Variants in SIPA1L3 observed in about 807,000 individuals in gnomAD.
SIPA1L3 encodes the protein signal-induced proliferation-associated 1-like protein 3.
SIPA1L3 carries 59 observed loss-of-function variants against 150.1 expected under a neutral mutation model. The ratio of observed to expected loss-of-function variants is 0.39; its 90% CI spans 0.32 to 0.49. The LOEUF (loss-of-function observed/expected upper bound fraction) is 0.49. Ranked by LOEUF, SIPA1L3 falls within the 20% of genes least tolerant of loss-of-function variation. The pLI is 0.86. For synonymous variants in SIPA1L3, 1,070 were observed against 1,077.6 expected, an observed-to-expected ratio of 0.99 and a Z score of 0.14; for missense variants, 2,211 against 2,489.5, an observed-to-expected ratio of 0.89 and a Z score of 2.38.
rs1039666019 is a variant in SIPA1L3, at chr19:38,164,196, G to A, written c.3781-283G>A. ...CGCTGCCGAACTCAGTCTTAGATTC[G>A]CTGAGTCTGAGATGTGGGAAGCATG... is the stretch of plus-strand genomic sequence containing the variant. On this transcript the variant is annotated intron_variant, in intron 14 of 21. Coordinates refer to ENST00000222345, the MANE Select transcript of SIPA1L3 (RefSeq NM_015073.3). This position sits in a 1 kb window ranked among gnomAD's most constrained non-coding sequence, Gnocchi z 4.1. 2.0e-5 allele frequency among the ~76,000 whole-genome samples: 3 copies of A among 152,248 alleles called. No homozygotes were observed. The highest frequency in any genetic ancestry group is 2.1e-4 in the South Asian group (1 of 4,820).
intron 10 of SIPA1L3, among the ~76,000 whole-genome samples, chr19:38,136,206 A>AAAAAAAAAAAAT: frequency 6.7e-6 from 1 of 149,204 alleles, no homozygotes; most frequent in Non-Finnish European, 1.5e-5. Context: ...AAAAAAAAAA[A>AAAAAAAAAAAAT]GAAGAATGCG....
intron 12 of SIPA1L3, among the ~76,000 whole-genome samples, chr19:38,148,357 A>G (rs538807234): frequency 1.3e-5 from 2 of 152,012 alleles, no homozygotes; most frequent in South Asian, 4.2e-4. Context: ...TCTCAAAAAA[A>G]AAAAAAAAGT....
At position 38,198,445 on chromosome 19, in the gene SIPA1L3, C is replaced by T. The variant is rs374407963; in HGVS notation, c.4897C>T (p.Arg1633Cys). The change falls in exon 19 of 22, where the codon CGC becomes TGC. Residue 1633 changes from arginine to cysteine, a missense_variant. Physicochemically the swap from Arg to Cys is radical, Grantham distance 180 (BLOSUM62 -3). This residue lies in a region of SIPA1L3 where 806 missense variants were observed against 870.1 expected (regional missense o/e 0.93). Coordinates refer to ENST00000222345, the MANE Select transcript of SIPA1L3 (RefSeq NM_015073.3). ...LADGRDRPLRRLDPGLMPLPD... is the reference protein window; with the variant it reads ...LADGRDRPLRCLDPGLMPLPD... ...TGATGGGCGGGACCGCCCCCTGCGG[C>T]GCCTGGACCCTGGGCTGATGCCCCT... 94 of 1,604,284 alleles carry T rather than the reference C, an allele frequency of 5.9e-5. No homozygotes were observed. Among genetic ancestry groups the T allele is most frequent in the African/African-American group, 8.1e-5 (6 of 74,328 alleles).
Position 38,193,702 on chromosome 19 carries a change from C to A in SIPA1L3, c.4762C>A (p.Arg1588Ser). Residue 1588 changes from arginine to serine, a missense_variant, in exon 18 of 22, where the codon CGC becomes AGC. Physicochemically the swap from Arg to Ser is moderately radical, Grantham distance 110. Around this residue, in one of 5 missense-constraint regions of SIPA1L3, gnomAD observed 806 missense variants for 870.1 expected, o/e 0.93. Transcript: ENST00000222345. ...CCCGTCCAGCACGCTGCCTGCACGC[C>A]GCCAGCACCAGCACCCCCACCCGCC... ...AFPSSTLPAR[R>S]QHQHPHPPVG... The A allele has an allele frequency of 6.4e-7, 1 of 1,571,790 alleles. No homozygotes were observed.
chr19:37,980,011 G>C (rs1388280582), intron 1 of SIPA1L3, among the ~76,000 whole-genome samples: 1 of 152,236 alleles, frequency 6.6e-6, no homozygotes, highest in African/African-American at 2.4e-5. Context: ...GAATCCACAG[G>C]CCGGTGGGTG....
intron 1 of SIPA1L3, among the ~76,000 whole-genome samples, chr19:38,011,169 C>A (rs183381016): frequency 1.1e-3 from 164 of 152,204 alleles, no homozygotes; most frequent in Middle Eastern, 6.8e-3. Flanking sequence ...TATTCATCAG[C>A]AAGACATAAT....
At chr19:38,048,434 A>T (rs1969110224) in intron 2 of SIPA1L3, among the ~76,000 whole-genome samples, 1 of 152,088 alleles carries the variant, frequency 6.6e-6, no homozygotes, top group African/African-American at 2.4e-5. Context: ...GGAGAGAGAG[A>T]ACACACCCCA....
At chr19:38,137,689 T>C (rs1971465372) in intron 10 of SIPA1L3, among the ~76,000 whole-genome samples, 1 of 152,172 alleles carries the variant, frequency 6.6e-6, no homozygotes, top group African/African-American at 2.4e-5. Flanking sequence ...AGGATCTTGC[T>C]GTGTTGCCCA....
At chr19:37,939,223 G>C (rs1174383547) in intron 1 of SIPA1L3, among the ~76,000 whole-genome samples, 4 of 152,056 alleles carry the variant, frequency 2.6e-5, no homozygotes, top group Non-Finnish European at 1.5e-5. Flanking sequence ...TTTGGTATCA[G>C]ATGTATCTGT....
At chr19:38,030,623 A>AATACATATATATATAT (rs1250170240) in intron 2 of SIPA1L3, among the ~76,000 whole-genome samples, 1,445 of 42,334 alleles carry the variant, frequency 0.034, 82 homozygotes, top group South Asian at 0.087. Context: ...ATATGTGGCA[A>AATACATATATATATAT]ATATATATAT....
intron 2 of SIPA1L3, among the ~76,000 whole-genome samples, chr19:38,068,057 C>G (rs1388203038): frequency 1.4e-5 from 2 of 142,614 alleles, no homozygotes; most frequent in African/African-American, 5.2e-5. Context: ...GAGTCTCACT[C>G]TTTTGCCCAG....
Position 38,046,759 on chromosome 19 carries a change from G to A in SIPA1L3, c.-311+17603G>A, listed in dbSNP as rs923244839. ...CCGGCATCTCCTGTGCCCGAGTGGC[G>A]TCTGTCAGTTGCTCAGTAAGTGGAG... On this transcript the variant is annotated intron_variant, in intron 2 of 21. Transcript: ENST00000222345. The surrounding 1 kb of genome is among the most constrained non-coding windows in gnomAD (Gnocchi z 5.6). Among the ~76,000 whole-genome samples, 1 of 152,184 alleles carries A rather than the reference G, an allele frequency of 6.6e-6. No homozygotes were observed. Among genetic ancestry groups the A allele is most frequent in the African/African-American group, 2.4e-5 (1 of 41,448 alleles).
intron 6 of SIPA1L3, among the ~76,000 whole-genome samples, chr19:38,105,447 G>A (rs1970601151): frequency 6.6e-6 from 1 of 152,032 alleles, no homozygotes; most frequent in African/African-American, 2.4e-5. Flanking sequence ...TGTGACCTTG[G>A]GAAGGCACTC....
chr19:38,160,378 C>A (rs1972054091), intron 13 of SIPA1L3, among the ~76,000 whole-genome samples: 1 of 150,120 alleles, frequency 6.7e-6, no homozygotes, highest in South Asian at 2.1e-4. Flanking sequence ...AGAGGTTAAA[C>A]CAGTTGACAT....
intron 2 of SIPA1L3, among the ~76,000 whole-genome samples, chr19:38,057,345 T>A (rs1364503154): frequency 6.6e-6 from 1 of 150,698 alleles, no homozygotes; most frequent in Non-Finnish European, 1.5e-5. Flanking sequence ...CACACGTATA[T>A]ATATACGTAT....
chr19:37,993,800 AC>A (rs1299887539), intron 1 of SIPA1L3, among the ~76,000 whole-genome samples: 1 of 152,208 alleles, frequency 6.6e-6, no homozygotes, highest in Non-Finnish European at 1.5e-5. Flanking sequence ...AGAGGATTCC[AC>A]CAGATTGTTC....
At chr19:37,986,744 T>A (rs1379632243) in intron 1 of SIPA1L3, among the ~76,000 whole-genome samples, 1 of 152,126 alleles carries the variant, frequency 6.6e-6, no homozygotes, top group Non-Finnish European at 1.5e-5. Context: ...CCTCTTCCTG[T>A]GTAAAGGGCC....
At chr19:37,939,735 G>A (rs573817977) in intron 1 of SIPA1L3, among the ~76,000 whole-genome samples, 120 of 152,330 alleles carry the variant, frequency 7.9e-4, no homozygotes, top group African/African-American at 2.8e-3. Context: ...TAGCTGCAGG[G>A]GAACCTGGGA....
intron 19 of SIPA1L3, among the ~76,000 whole-genome samples, chr19:38,199,613 A>G (rs8105175): frequency 0.52 from 78,890 of 151,580 alleles, 21,823 homozygotes; most frequent in East Asian, 0.69. Context: ...TACGGGGGAG[A>G]GGGGGGAGTA....
Sources: gnomAD v4.1 joint callset for allele counts (sites outside exome capture counted in the v4.1 genomes callset) on GRCh38, gnomAD v4.1.1 for gene constraint, gnomAD v4.1.1 regional missense constraint, Gnocchi (gnomAD v3.1) non-coding constraint, MANE v1.5 for transcripts, NCBI Gene and HGNC (gene_info 2026-07-23, HGNC 2026-07-21) for gene names.